The following DNAH11 variants were observed in gnomAD, a reference collection of about 807,000 sequenced individuals.
DNAH11 encodes axonemal beta dynein heavy chain 11.
Under a neutral mutation model 526.0 loss-of-function variants are expected in DNAH11, and 442 were observed. That is an observed-to-expected ratio of 0.84 (90% CI 0.78 to 0.91). DNAH11 has a LOEUF of 0.91. Ranked by LOEUF, DNAH11 falls within the 40% of genes least tolerant of loss-of-function variation. The pLI is 0.00. For synonymous variants in DNAH11, 2,461 were observed against 1,935.9 expected (o/e 1.27, Z -7.12); for missense variants, 6,989 against 5,448.7 (o/e 1.28, Z -8.90).
chr7:21,557,521 G>A lies in DNAH11; in HGVS notation c.496-1281G>A, dbSNP rs568615345. ...ATGGTGGAAGGGGCGAACAAGCTCC[G>A]TTGGTCCTATTTTATGGAGACACTA... On this transcript the variant is annotated intron_variant, in intron 2 of 81. Coordinates refer to ENST00000409508, the MANE Select transcript of DNAH11 (RefSeq NM_001277115.2). Among the ~76,000 whole-genome samples, 38 of 152,238 alleles carry A rather than the reference G, an allele frequency of 2.5e-4. No homozygotes were observed. In the South Asian group the frequency reaches 7.5e-3, roughly 30 times the overall value.
At chr7:21,645,577 C>G (rs1045382051) in intron 28 of DNAH11, among the ~76,000 whole-genome samples, 1 of 152,024 alleles carries the variant, frequency 6.6e-6, no homozygotes, top group Admixed American at 6.6e-5. Context: ...ACTCAGGCCC[C>G]ATTAAGGAGG....
chr7:21,853,168 C>T (rs1782708039), intron 67 of DNAH11, among the ~76,000 whole-genome samples: 1 of 152,212 alleles, frequency 6.6e-6, no homozygotes, highest in Non-Finnish European at 1.5e-5. Flanking sequence ...AGGCTTCCTG[C>T]TAATGTCCAA....
intron 46 of DNAH11, among the ~76,000 whole-genome samples, 158 bp from the exon 47 acceptor site, chr7:21,738,543 G>T (rs1785718636): frequency 1.3e-5 from 2 of 152,132 alleles, no homozygotes; most frequent in African/African-American, 2.4e-5. Flanking sequence ...AAAAGGAGGG[G>T]CCAGAGACAC....
At position 21,726,860 on chromosome 7, in the gene DNAH11, C is replaced by CAAAAAAAA. The variant is rs1166791175; in HGVS notation, c.7440+900_7440+907dup. ...TGGGCGACAGAGCAAGACTCTGTCTCAAAAAAAAAAAAAAAAAAAAAAAAA... is the reference window on the plus strand; with the variant it reads ...TGGGCGACAGAGCAAGACTCTGTCTCAAAAAAAAAAAAAAAAAAAAAAAAAAAAAAAAA... On this transcript the variant is annotated intron_variant, in intron 45 of 81. Transcript: ENST00000409508. Among the ~76,000 whole-genome samples, 7 of 13,814 alleles carry CAAAAAAAA rather than the reference C, an allele frequency of 5.1e-4. 1 individual carries two copies. The highest frequency in any genetic ancestry group is 2.3e-3 in the African/African-American group (6 of 2,586). 9.1% of individuals were successfully genotyped at this position (13,814 alleles called of 152,430 possible).
chr7:21,561,272 G>T, intron 5 of DNAH11, 102 bp downstream of exon 5: 1 of 819,296 alleles, frequency 1.2e-6, no homozygotes, highest in Admixed American at 2.3e-5. Context: ...CATGTTTGTG[G>T]AGTGATTGCT....
In DNAH11 at chr7:21,705,623, A is replaced by G. The variant is rs1188177298; in HGVS notation, c.6546+86A>G. 4 of 1,308,184 alleles carry G rather than the reference A, an allele frequency of 3.1e-6. No homozygotes were observed. The African/African-American group carries it at 5.8e-5, about 19-fold the overall frequency. The allele number at this position is 1,308,184 out of a possible 1,614,324, so 81.0% of individuals were successfully genotyped here. On this transcript the variant is annotated intron_variant, in intron 39 of 81. Coordinates refer to ENST00000409508, the MANE Select transcript of DNAH11 (RefSeq NM_001277115.2). ...CGGCCTATTTTCAATGCTACTCAAA[A>G]GAATTCCCCTCCATGAAGCCCACCA...
rs572866376 is a variant in DNAH11 at position 21,859,842 on chromosome 7, A to G, written c.11203-2011A>G. 2.0e-5 allele frequency among the ~76,000 whole-genome samples: 3 copies of G among 152,304 alleles called. No homozygotes were observed. The East Asian group carries it at 5.8e-4, about 29-fold the overall frequency. ...GTGATCTTTAAAGGAAGAAGAGGTG[A>G]CCAAGGGGCATCCCGAAAGTACATG... is the stretch of plus-strand genomic sequence containing the variant. On this transcript the variant is annotated intron_variant, in intron 68 of 81. Coordinates refer to ENST00000409508, the MANE Select transcript of DNAH11 (RefSeq NM_001277115.2).
intron 74 of DNAH11, 50 bp downstream of exon 74, chr7:21,873,551 C>T (rs1258025149): frequency 6.4e-7 from 1 of 1,569,154 alleles, no homozygotes; most frequent in Non-Finnish European, 8.8e-7. Context: ...AGTCATCTCA[C>T]AAGACTGTGG....
chr7:21,882,536 C>G (rs761974910), intron 75 of DNAH11, among the ~76,000 whole-genome samples: 23 of 152,178 alleles, frequency 1.5e-4, no homozygotes, highest in Non-Finnish European at 2.6e-4. Context: ...TGGCTCATGC[C>G]TATAATCCCA....
In DNAH11 at chr7:21,707,684, C is replaced by A. The variant is rs1183445560; in HGVS notation, c.6547-15C>A. 2 of 1,594,492 alleles carry A rather than the reference C, an allele frequency of 1.3e-6. No homozygotes were observed. The highest frequency in any genetic ancestry group is 1.2e-5 in the South Asian group (1 of 86,544). On this transcript the variant is annotated splice_polypyrimidine_tract_variant and intron_variant, in intron 39 of 81. Transcript: ENST00000409508. ...TTAGTATTAATTTTTTTGGCTCTTT[C>A]CTCCTTCCCCTCAGATTTTGAGAAC...
chr7:21,739,656 A>C lies in DNAH11; in HGVS notation c.7897A>C (p.Ile2633Leu). 1 of 1,612,838 alleles carries C rather than the reference A, an allele frequency of 6.2e-7. No homozygotes were observed. The highest frequency in any genetic ancestry group is 8.5e-7 in the Non-Finnish European group (1 of 1,179,370). The change falls in exon 48 of 82, where the codon ATC (isoleucine) becomes CTC (leucine). Residue 2633 changes from isoleucine (I) to leucine (L), a missense_variant. Ile to Leu is a conservative substitution (Grantham distance 5). Transcript: ENST00000409508. ...GAATCCGATGGTGGGCAGCTTCACC[A>C]TCAATCCCAGGCTACAGGTAGGGTG... ...CMNPMVGSFTINPRLQRHFTV... is the reference protein window; with the variant it reads ...CMNPMVGSFTLNPRLQRHFTV...
At chr7:21,745,499 G>C (rs955794724) in intron 51 of DNAH11, among the ~76,000 whole-genome samples, 1 of 152,172 alleles carries the variant, frequency 6.6e-6, no homozygotes, top group Non-Finnish European at 1.5e-5. Context: ...ATCTGTCCTT[G>C]GATAGAGCAT....
chr7:21,786,533 G>A, intron 58 of DNAH11, 91 bp from the exon 59 acceptor site: 2 of 1,431,992 alleles, frequency 1.4e-6, no homozygotes, highest in East Asian at 2.4e-5. Flanking sequence ...AGAAGTGGGA[G>A]TCCACTAAAG....
At chr7:21,866,754 C>T in intron 71 of DNAH11, 91 bp downstream of exon 71, 1 of 1,354,628 alleles carries the variant, frequency 7.4e-7, no homozygotes, top group East Asian at 2.4e-5. Context: ...GAAGTGTTTA[C>T]CATCCATTTT....
intron 28 of DNAH11, among the ~76,000 whole-genome samples, chr7:21,647,377 A>G (rs1295785777): frequency 6.6e-6 from 1 of 151,710 alleles, no homozygotes; most frequent in African/African-American, 2.4e-5. Context: ...CAGACTTCAC[A>G]TTGGAAACAA....
At chr7:21,732,093 G>A (rs1184900901) in intron 45 of DNAH11, among the ~76,000 whole-genome samples, 5 of 152,208 alleles carry the variant, frequency 3.3e-5, no homozygotes, top group Non-Finnish European at 5.9e-5. Context: ...GAGGACAAGT[G>A]TATTAGTTTG....
At chr7:21,661,043 G>C (rs555890213) in intron 30 of DNAH11, among the ~76,000 whole-genome samples, 3 of 152,148 alleles carry the variant, frequency 2.0e-5, no homozygotes, top group African/African-American at 7.2e-5. Context: ...GATTCTAGCA[G>C]CGATGTTCCT....
At chr7:21,550,455 C>A (rs1450759425) in intron 2 of DNAH11, among the ~76,000 whole-genome samples, 1 of 152,088 alleles carries the variant, frequency 6.6e-6, no homozygotes, top group Non-Finnish European at 1.5e-5. Flanking sequence ...TAGCTGTGCC[C>A]AAATATAGGA....
At chr7:21,746,158 G>A (rs1786140285) in intron 51 of DNAH11, among the ~76,000 whole-genome samples, 1 of 152,172 alleles carries the variant, frequency 6.6e-6, no homozygotes, top group African/African-American at 2.4e-5. Context: ...GCTTAACATT[G>A]CCACTGCTGT....
Sources: gnomAD v4.1 joint callset for allele counts (sites outside exome capture counted in the v4.1 genomes callset) on GRCh38, gnomAD v4.1.1 for gene constraint, MANE v1.5 for transcripts, NCBI Gene and HGNC (gene_info 2026-07-23, HGNC 2026-07-21) for gene names.